Variants in MIA2 observed in about 807,000 individuals in gnomAD.
MIA2 encodes melanoma inhibitory activity protein 2.
In MIA2, 127 loss-of-function variants were observed where a neutral mutation model predicts 167.8. The ratio of observed to expected loss-of-function variants is 0.76; its 90% CI spans 0.66 to 0.88. The LOEUF (loss-of-function observed/expected upper bound fraction) is 0.88, where lower values mean the gene tolerates loss of function less well. Among genes scored for constraint, MIA2 ranks in the 40% least tolerant of loss-of-function variants. The pLI, the probability that MIA2 is intolerant of heterozygous loss-of-function variation, is 0.00. For missense variants in MIA2, 1,690 were observed against 1,624.7 expected, an observed-to-expected ratio of 1.04 and a Z score of -0.69; for synonymous variants, 552 against 541.9, an observed-to-expected ratio of 1.02 and a Z score of -0.26.
rs554202890 is a variant in MIA2 at position 39,312,945 on chromosome 14, C to G, written c.3018-395C>G. 5.3e-5 allele frequency among the ~76,000 whole-genome samples: 8 copies of G among 151,780 alleles called. No individual in the cohort carries two copies. The East Asian group carries it at 1.5e-3, about 29-fold the overall frequency. On this transcript the variant is annotated intron_variant, in intron 18 of 28. Coordinates refer to ENST00000640607, the MANE Select transcript of MIA2 (RefSeq NM_001329214.4). ...CTTGCCTGGAAGCCTAATCACTAAC[C>G]AATATAAAAATTAACGAAACACATT...
At chr14:39,387,049 T>C in exon 24 of MIA2, 3 of 685,014 alleles carry the variant, frequency 4.4e-6, no homozygotes, top group South Asian at 2.0e-5. Context: ...GCCGGGTAGC[T>C]GGCGGCGGGT....
chr14:39,381,598 G>A (rs922838554), intron 23 of MIA2, among the ~76,000 whole-genome samples: 1 of 151,982 alleles, frequency 6.6e-6, no homozygotes, highest in Admixed American at 6.6e-5. Context: ...GTTTCGCTTG[G>A]CTAGCAAAAG....
chr14:39,312,309 T>C (rs1022732114), intron 18 of MIA2, among the ~76,000 whole-genome samples: 2 of 152,264 alleles, frequency 1.3e-5, no homozygotes, highest in Non-Finnish European at 2.9e-5. Flanking sequence ...CTCTCTTCCA[T>C]ATCCATGCCC....
intron 25 of MIA2, among the ~76,000 whole-genome samples, chr14:39,328,623 A>G (rs71483654): frequency 6.6e-6 from 1 of 152,138 alleles, no homozygotes; most frequent in South Asian, 2.1e-4. Flanking sequence ...TCCTTAATCC[A>G]TCTTGAGTTG....
At chr14:39,357,315 T>C (rs2074555377) in intron 23 of MIA2, among the ~76,000 whole-genome samples, 3 of 152,214 alleles carry the variant, frequency 2.0e-5, no homozygotes, top group Admixed American at 1.3e-4. Flanking sequence ...AATGGCCTTG[T>C]TTGTCTCTTT....
In MIA2 at chr14:39,364,713, T is replaced by G. The variant is rs183117741; in HGVS notation, c.2248+15736T>G. On this transcript the variant is annotated intron_variant, in intron 23 of 23. Coordinates refer to the MIA2 transcript ENST00000341502. ...GGTATAGTATTCTTGGCTGATAGTTTGTTTTTTTTGTTTTGTTTTTGTTTT... is the reference window on the plus strand; with the variant it reads ...GGTATAGTATTCTTGGCTGATAGTTGGTTTTTTTTGTTTTGTTTTTGTTTT... Among the ~76,000 whole-genome samples the G allele has an allele frequency of 2.9e-4, 39 of 134,974 alleles. No individual in the cohort carries two copies. In the East Asian group the frequency reaches 7.4e-3, roughly 26 times the overall value. The allele number at this position is 134,974 out of a possible 152,430, so 88.5% of individuals were successfully genotyped here.
chr14:39,305,889 T>C (rs899928385), intron 17 of MIA2, among the ~76,000 whole-genome samples: 3 of 151,256 alleles, frequency 2.0e-5, no homozygotes, highest in Non-Finnish European at 4.4e-5. Context: ...TGAGCCAAGG[T>C]TGCACCACTG....
chr14:39,297,541 C>G (rs928034255), intron 13 of MIA2, among the ~76,000 whole-genome samples: 3 of 152,164 alleles, frequency 2.0e-5, no homozygotes, highest in Admixed American at 1.3e-4. Context: ...TGGTGTCTGA[C>G]TGTTCAGTAG....
At chr14:39,307,681 G>A (rs971594866) in intron 17 of MIA2, among the ~76,000 whole-genome samples, 3 of 151,986 alleles carry the variant, frequency 2.0e-5, no homozygotes, top group South Asian at 2.1e-4. Flanking sequence ...ATGTACAGGC[G>A]TGAGCCACCG....
At chr14:39,386,607 CT>C (rs1209562079) in intron 23 of MIA2, 10 of 1,033,754 alleles carry the variant, frequency 9.7e-6, no homozygotes, top group East Asian at 4.9e-5. Flanking sequence ...TTTCTTTTTT[CT>C]TTTTTTTCTT....
At chr14:39,335,477 A>G (rs1369894727) in intron 25 of MIA2, among the ~76,000 whole-genome samples, 2 of 152,178 alleles carry the variant, frequency 1.3e-5, no homozygotes, top group Non-Finnish European at 2.9e-5. Flanking sequence ...GGAATCATTT[A>G]TTTTTGCACC....
At position 39,314,808 on chromosome 14, in the gene MIA2, ATATG is replaced by A. The variant is rs1286856038; in HGVS notation, c.3180+11_3180+14del. 2.3e-5 allele frequency: 25 copies of A among 1,093,576 alleles called. 1 individual carries two copies. Among genetic ancestry groups the A allele is most frequent in the Admixed American group, 6.7e-5 (3 of 45,008 alleles). The allele number at this position is 1,093,576 out of a possible 1,614,324, so 67.7% of individuals were successfully genotyped here. ...ATTCTTATCAAGGGCAGGTATATAT[ATATG>A]TGTGTGTGTGTGTGTGTGTGTGTGT... On this transcript the variant is annotated intron_variant, in intron 20 of 28. Coordinates refer to ENST00000640607, the MANE Select transcript of MIA2 (RefSeq NM_001329214.4).
At chr14:39,330,185 G>T (rs556191310) in intron 25 of MIA2, among the ~76,000 whole-genome samples, 1 of 152,066 alleles carries the variant, frequency 6.6e-6, no homozygotes, top group East Asian at 1.9e-4. Flanking sequence ...CTTCTTCCTG[G>T]TTTAGTCTTG....
intron 6 of MIA2, among the ~76,000 whole-genome samples, chr14:39,257,626 A>C (rs2054881190): frequency 6.6e-6 from 1 of 152,186 alleles, no homozygotes; most frequent in Non-Finnish European, 1.5e-5. Context: ...TCCTGTTGTC[A>C]TGATGCTAGC....
intron 17 of MIA2, among the ~76,000 whole-genome samples, chr14:39,305,807 A>G (rs995807829): frequency 6.6e-6 from 1 of 152,108 alleles, no homozygotes; most frequent in African/African-American, 2.4e-5. Context: ...GTGGTGGCAC[A>G]TGCCTGTAAT....
intron 3 of MIA2, among the ~76,000 whole-genome samples, chr14:39,244,030 C>G (rs1382509283): frequency 6.6e-6 from 1 of 152,234 alleles, no homozygotes; most frequent in African/African-American, 2.4e-5. Flanking sequence ...AAAAGCCTGT[C>G]TGTCTGGATT....
intron 23 of MIA2, among the ~76,000 whole-genome samples, chr14:39,320,211 T>C (rs930408511): frequency 1.3e-5 from 2 of 152,176 alleles, no homozygotes; most frequent in African/African-American, 4.8e-5. Flanking sequence ...ATGTTTTAAA[T>C]TTAACATGTT....
chr14:39,357,210 G>C (rs927793575), intron 23 of MIA2, among the ~76,000 whole-genome samples: 1 of 152,106 alleles, frequency 6.6e-6, no homozygotes, highest in African/African-American at 2.4e-5. Context: ...GGTCTCTAAG[G>C]ACTTGCTTTA....
intron 2 of MIA2, among the ~76,000 whole-genome samples, chr14:39,239,552 C>T (rs1298454453): frequency 1.3e-5 from 2 of 152,060 alleles, no homozygotes; most frequent in Non-Finnish European, 2.9e-5. Context: ...AAGACTCTGT[C>T]TCTATTAAAA....
Sources: gnomAD v4.1 joint callset for allele counts (sites outside exome capture counted in the v4.1 genomes callset) on GRCh38, gnomAD v4.1.1 for gene constraint, MANE v1.5 for transcripts, NCBI Gene and HGNC (gene_info 2026-07-23, HGNC 2026-07-21) for gene names.